The following DCC variants were observed in gnomAD, a reference collection of about 807,000 sequenced individuals.
DCC encodes the protein netrin receptor DCC.
DCC carries 58 observed loss-of-function variants against 172.5 expected under a neutral mutation model. The ratio of observed to expected loss-of-function variants is 0.34; its 90% CI spans 0.27 to 0.42. DCC has a LOEUF of 0.42. Among genes scored for constraint, DCC ranks in the 10% least tolerant of loss-of-function variants. The probability of loss-of-function intolerance (pLI) is 1.00; values close to 1 mark genes in which losing one functional copy is unlikely to be tolerated. For missense variants in DCC, 1,740 were observed against 1,791.0 expected, an observed-to-expected ratio of 0.97 and a Z score of 0.51; for synonymous variants, 709 against 644.5, an observed-to-expected ratio of 1.10 and a Z score of -1.52.
intron 15 of DCC, among the ~76,000 whole-genome samples, chr18:53,374,172 A>C (rs770350379): frequency 1.3e-5 from 2 of 152,356 alleles, no homozygotes; most frequent in African/African-American, 4.8e-5. Flanking sequence ...TAAAATGAAA[A>C]AAAAATAGAT....
intron 1 of DCC, among the ~76,000 whole-genome samples, chr18:52,677,919 C>T (rs999193074): frequency 2.0e-5 from 3 of 152,082 alleles, no homozygotes; most frequent in African/African-American, 7.2e-5. Context: ...TAATACGCCA[C>T]CATTCTGAAA....
chr18:53,530,756 G>T lies in DCC; in HGVS notation c.*103G>T, dbSNP rs540739618. 1.3e-6 allele frequency: 1 copy of T among 770,690 alleles called. No individual in the cohort carries two copies. Among genetic ancestry groups the T allele is most frequent in the East Asian group, 2.5e-5 (1 of 40,370 alleles). The allele number at this position is 770,690 out of a possible 1,614,324, so 47.7% of individuals were successfully genotyped here. A position where few individuals can be genotyped will look rare whatever the true frequency, so the allele number is the denominator to read the frequency against. On this transcript the variant is annotated 3_prime_UTR_variant, in exon 29 of 29. Coordinates refer to ENST00000442544, the MANE Select transcript of DCC (RefSeq NM_005215.4). ...GTCCAAGAACTCTAACCAGTGTACA[G>T]GTCACCCATCAGGACCACTCAGTTA...
chr18:52,644,138 T>C (rs572219879), intron 1 of DCC, among the ~76,000 whole-genome samples: 28 of 152,296 alleles, frequency 1.8e-4, no homozygotes, highest in African/African-American at 6.5e-4. Flanking sequence ...CTGTGTCTGT[T>C]TGGGCTGTGG....
At chr18:52,409,026 T>A (rs1986752890) in intron 1 of DCC, 2 of 152,130 alleles carry the variant, frequency 1.3e-5, no homozygotes, top group African/African-American at 4.8e-5. Context: ...CTACAGACAA[T>A]CCTGAGTTCT....
intron 5 of DCC, among the ~76,000 whole-genome samples, chr18:53,025,081 A>T (rs1173396195): frequency 1.3e-5 from 2 of 152,128 alleles, no homozygotes; most frequent in Non-Finnish European, 2.9e-5. Flanking sequence ...CAAAAAGATG[A>T]AAAGCTTTAA....
chr18:52,748,289 CA>C (rs2036939948), intron 1 of DCC, among the ~76,000 whole-genome samples: 1 of 152,244 alleles, frequency 6.6e-6, no homozygotes, highest in South Asian at 2.1e-4. Context: ...CGGTGACACC[CA>C]AAAAACTTAG....
chr18:52,444,671 A>G (rs1489478019), intron 1 of DCC, among the ~76,000 whole-genome samples: 1 of 152,214 alleles, frequency 6.6e-6, no homozygotes, highest in Non-Finnish European at 1.5e-5. Flanking sequence ...CTAGAGTAGT[A>G]TTAAACCACA....
chr18:52,631,205 G>T (rs1403475751), intron 1 of DCC, among the ~76,000 whole-genome samples: 1 of 152,136 alleles, frequency 6.6e-6, no homozygotes, highest in Non-Finnish European at 1.5e-5. Context: ...ATTTATGGTT[G>T]CTAATGTGTA....
intron 9 of DCC, among the ~76,000 whole-genome samples, chr18:53,202,205 G>A (rs966486631): frequency 1.3e-5 from 2 of 152,090 alleles, no homozygotes; most frequent in African/African-American, 4.8e-5. Context: ...TTCTAGAGCT[G>A]AGGCAAGATC....
intron 1 of DCC, among the ~76,000 whole-genome samples, chr18:52,708,246 C>T (rs1272944298): frequency 6.6e-6 from 1 of 152,022 alleles, no homozygotes; most frequent in East Asian, 1.9e-4. Context: ...TTGAGACCAT[C>T]CTGGCTAACA....
chr18:52,647,990 A>C (rs967366280), intron 1 of DCC, among the ~76,000 whole-genome samples: 3 of 152,234 alleles, frequency 2.0e-5, no homozygotes, highest in Non-Finnish European at 4.4e-5. Context: ...ATTCTAAAAA[A>C]ATGTTTATGG....
At chr18:53,228,554 C>T (rs557061530) in intron 12 of DCC, among the ~76,000 whole-genome samples, 19 of 152,202 alleles carry the variant, frequency 1.2e-4, no homozygotes, top group African/African-American at 4.1e-4. Context: ...CCTGGGCTTG[C>T]GTAGAGTTTC....
At chr18:53,200,079 G>T (rs536306769) in intron 9 of DCC, among the ~76,000 whole-genome samples, 1 of 152,292 alleles carries the variant, frequency 6.6e-6, no homozygotes, top group Non-Finnish European at 1.5e-5. Flanking sequence ...AATACTTAAA[G>T]TAAATGATCC....
In DCC at chr18:52,690,000, T is replaced by C. The variant is rs1460195; in HGVS notation, c.92-62054T>C. ...GAGTGGAAAGTGTATTAAAGATAAATGTGACATATTCATTCAGTCAGTCAG... is the reference window on the plus strand; with the variant it reads ...GAGTGGAAAGTGTATTAAAGATAAACGTGACATATTCATTCAGTCAGTCAG... On this transcript the variant is annotated intron_variant, in intron 1 of 28. Transcript: ENST00000442544. Among the ~76,000 whole-genome samples the C allele has an allele frequency of 2.2e-3, 337 of 152,214 alleles. 1 individual carries two copies. Among genetic ancestry groups the C allele is most frequent in the African/African-American group, 7.7e-3 (321 of 41,544 alleles).
intron 2 of DCC, among the ~76,000 whole-genome samples, chr18:52,792,353 G>A (rs1234841434): frequency 6.6e-6 from 1 of 152,208 alleles, no homozygotes; most frequent in Admixed American, 6.5e-5. Flanking sequence ...ATTAAGAGAT[G>A]TGATGGTCAT....
chr18:52,376,528 T>C (rs1985356352), intron 1 of DCC, among the ~76,000 whole-genome samples: 1 of 152,032 alleles, frequency 6.6e-6, no homozygotes, highest in Admixed American at 6.6e-5. Flanking sequence ...TACATGCACA[T>C]GCACAAGTTT....
At chr18:52,716,208 A>AGG (rs2036380750) in intron 1 of DCC, among the ~76,000 whole-genome samples, 1 of 152,224 alleles carries the variant, frequency 6.6e-6, no homozygotes, top group African/African-American at 2.4e-5. Flanking sequence ...GCGAGATCCC[A>AGG]GGGGGCTCCT....
chr18:53,099,209 T>G (rs1319756694), intron 7 of DCC, among the ~76,000 whole-genome samples: 1 of 152,120 alleles, frequency 6.6e-6, no homozygotes, highest in Non-Finnish European at 1.5e-5. Context: ...TTGGTTTGTC[T>G]CCTGAAAGAA....
chr18:52,664,476 CT>C (rs374796439), intron 1 of DCC, among the ~76,000 whole-genome samples: 7 of 112,442 alleles, frequency 6.2e-5, no homozygotes, highest in South Asian at 5.9e-4. Context: ...TTTTCTTTTT[CT>C]TTTTTTTTTT....
Sources: gnomAD v4.1 joint callset for allele counts (sites outside exome capture counted in the v4.1 genomes callset) on GRCh38, gnomAD v4.1.1 for gene constraint, MANE v1.5 for transcripts, NCBI Gene and HGNC (gene_info 2026-07-23, HGNC 2026-07-21) for gene names.